Variants in ABL2 observed in about 807,000 individuals in gnomAD.
ABL2 encodes ABL proto-oncogene 2, non-receptor tyrosine kinase, also known as tyrosine-protein kinase ABL2.
ABL2 carries 49 observed loss-of-function variants against 107.7 expected under a neutral mutation model. The ratio of observed to expected loss-of-function variants is 0.45; its 90% CI spans 0.36 to 0.58. The LOEUF is 0.58. Ranked by LOEUF, ABL2 falls within the 20% of genes least tolerant of loss-of-function variation. The pLI, the probability that ABL2 is intolerant of heterozygous loss-of-function variation, is 0.00. For synonymous variants in ABL2, 549 were observed against 548.6 expected (o/e 1.00, Z -0.01); for missense variants, 1,245 against 1,457.0 (o/e 0.85, Z 2.37).
intron 1 of ABL2, among the ~76,000 whole-genome samples, chr1:179,158,435 A>C (rs1260482410): frequency 6.6e-6 from 1 of 152,202 alleles, no homozygotes; most frequent in Non-Finnish European, 1.5e-5. Context: ...AGATGTAGAG[A>C]TACAATTCTG....
chr1:179,166,205 C>T (rs986271595), intron 1 of ABL2, among the ~76,000 whole-genome samples: 7 of 151,838 alleles, frequency 4.6e-5, no homozygotes, highest in African/African-American at 1.5e-4. Context: ...ATGGCTAAGA[C>T]CTCAAAAACA....
intron 1 of ABL2, among the ~76,000 whole-genome samples, chr1:179,207,005 G>T (rs1370191389): frequency 6.6e-6 from 1 of 152,136 alleles, no homozygotes; most frequent in East Asian, 1.9e-4. Flanking sequence ...GACAGAATAT[G>T]CAGTCTTAAT....
chr1:179,164,340 G>A (rs540267574), intron 1 of ABL2, among the ~76,000 whole-genome samples: 1 of 152,204 alleles, frequency 6.6e-6, no homozygotes, highest in South Asian at 2.1e-4. Flanking sequence ...TGAGAATTTT[G>A]CAGCTTCACT....
In ABL2 at chr1:179,100,066, G is replaced by C. The variant is rs1458787069; in HGVS notation, c.*7652C>G. On this transcript the variant is annotated 3_prime_UTR_variant, in exon 12 of 12. Transcript: ENST00000502732. ...CACACCAGCTATACAGATCTGAGAT[G>C]AGAGGGTTTTCAAACATATGCCCTA... is the stretch of plus-strand genomic sequence containing the variant. 1 of 232,254 alleles carries C rather than the reference G, an allele frequency of 4.3e-6. No individual in the cohort carries two copies. 14.4% of individuals were successfully genotyped at this position (232,254 alleles called of 1,614,324 possible).
At chr1:179,200,675 A>C (rs1208741306) in intron 1 of ABL2, among the ~76,000 whole-genome samples, 1 of 152,186 alleles carries the variant, frequency 6.6e-6, no homozygotes, top group African/African-American at 2.4e-5. Context: ...TATCTGATCC[A>C]CTATTGTATT....
intron 1 of ABL2, among the ~76,000 whole-genome samples, chr1:179,199,092 C>T (rs1661506369): frequency 6.6e-6 from 1 of 152,134 alleles, no homozygotes; most frequent in Non-Finnish European, 1.5e-5. Flanking sequence ...ATCCACCCGC[C>T]TCGGCCTCCC....
chr1:179,166,685 G>A (rs1490827149), intron 1 of ABL2, among the ~76,000 whole-genome samples: 1 of 150,482 alleles, frequency 6.6e-6, no homozygotes, highest in African/African-American at 2.4e-5. Flanking sequence ...GCTGAGGGAG[G>A]AGAATCGCTT....
chr1:179,108,065 C>T lies in ABL2; in HGVS notation c.3202G>A (p.Ala1068Thr). 1.2e-6 allele frequency: 2 copies of T among 1,614,220 alleles called. No individual in the cohort carries two copies. The highest frequency in any genetic ancestry group is 1.7e-6 in the Non-Finnish European group (2 of 1,180,042). The change falls in exon 12 of 12, where the codon GCT becomes ACT. Residue 1068 changes from alanine to threonine, a missense_variant. Ala to Thr is a moderately conservative substitution (Grantham distance 58, BLOSUM62 0). This residue lies in a region of ABL2 where 761 missense variants were observed against 766.4 expected (regional missense o/e 0.99). Coordinates refer to ENST00000502732, the MANE Select transcript of ABL2 (RefSeq NM_007314.4). Reference sequence around the variant, plus strand: ...GCGGCCTGTTTGGTTTTTCTCAGAGCCACTTTAGTACCTGCTGTGCCATTG... The same window carrying T: ...GCGGCCTGTTTGGTTTTTCTCAGAGTCACTTTAGTACCTGCTGTGCCATTG... Reference protein sequence around the residue: ...MANGTAGTKVALRKTKQAAEK... With the variant: ...MANGTAGTKVTLRKTKQAAEK...
Position 179,112,321 on chromosome 1 carries a change from T to C in ABL2, c.1639A>G (p.Ser547Gly), listed in dbSNP as rs368972305. 5.6e-6 allele frequency: 9 copies of C among 1,613,296 alleles called. No individual in the cohort carries two copies. In the African/African-American group the frequency reaches 1.1e-4, roughly 19 times the overall value. ...QAFETMFHDS[S>G]ISEEVAEELG... is the part of the protein sequence containing the mutation. ...AACAGATTCTCACCTTCAGAAATGC[T>C]GGAGTCATGGAACATGGTTTCAAAA... is the stretch of plus-strand genomic sequence containing the variant. The change falls in exon 10 of 12, where the codon AGC (serine) becomes GGC (glycine). Residue 547 changes from serine to glycine, a missense_variant. Coordinates refer to ENST00000502732, the MANE Select transcript of ABL2 (RefSeq NM_007314.4).
At position 179,152,254 on chromosome 1, in the gene ABL2, C is replaced by T. The variant is rs140206620; in HGVS notation, c.158-18880G>A. Among the ~76,000 whole-genome samples the T allele has an allele frequency of 7.0e-4, 107 of 152,286 alleles. 1 individual carries two copies. In the East Asian group the frequency reaches 0.019, roughly 28 times the overall value. On this transcript the variant is annotated intron_variant, in intron 1 of 11. Transcript: ENST00000502732. ...TTGTCCCTAACTTGGAGTCTTGATT[C>T]AGCTAAAAGCCCTGCAGTTAATCAG... is the stretch of plus-strand genomic sequence containing the variant.
chr1:179,112,756 AT>A (rs747910142), intron 9 of ABL2, among the ~76,000 whole-genome samples: 298 of 134,502 alleles, frequency 2.2e-3, no homozygotes, highest in Admixed American at 1.9e-3. Flanking sequence ...CGCCCAGCTA[AT>A]TTTTTTTTTT....
chr1:179,173,387 G>A (rs1398487913), intron 1 of ABL2, among the ~76,000 whole-genome samples: 180 of 119,670 alleles, frequency 1.5e-3, no homozygotes, highest in Middle Eastern at 6.3e-3. Flanking sequence ...TTTTTGAGAC[G>A]GAATCTTGCT....
At position 179,107,808 on chromosome 1, in the gene ABL2, A is replaced by G; in HGVS notation, c.3459T>C (p.Ser1153=). 9.9e-6 allele frequency: 16 copies of G among 1,614,250 alleles called. No individual in the cohort carries two copies. Among genetic ancestry groups the G allele is most frequent in the Non-Finnish European group, 1.2e-5 (14 of 1,180,050 alleles). ...LELSLQELQV[S]SAAAGVPGTN... ...TCCCGGGCACACCAGCAGCTGCTGA[A>G]GAAACCTGTAGCTCCTGCAGGCTGA... Residue 1153 remains serine (S), a synonymous_variant, in exon 12 of 12, where the codon TCT becomes TCC. Coordinates refer to ENST00000502732, the MANE Select transcript of ABL2 (RefSeq NM_007314.4).
chr1:179,118,254 T>C (rs28913870), intron 7 of ABL2, among the ~76,000 whole-genome samples: 1,725 of 152,096 alleles, frequency 0.011, 28 homozygotes, highest in African/African-American at 0.04. Context: ...GGCTCACACC[T>C]ATAATCCCAG....
Position 179,099,478 on chromosome 1 carries a change from G to A in ABL2, c.*8240C>T, listed in dbSNP as rs747732424. On this transcript the variant is annotated 3_prime_UTR_variant, in exon 12 of 12. Transcript: ENST00000502732. Reference sequence around the variant, plus strand: ...AGCAGTTCACAGTCAGACAACAGACGGAGAGAATTAAATTAGAAAAACAAC... The same window carrying A: ...AGCAGTTCACAGTCAGACAACAGACAGAGAGAATTAAATTAGAAAAACAAC... 8.6e-5 allele frequency: 19 copies of A among 220,526 alleles called. No homozygotes were observed. Among genetic ancestry groups the A allele is most frequent in the South Asian group, 1.9e-4 (1 of 5,402 alleles). 13.7% of individuals were successfully genotyped at this position (220,526 alleles called of 1,614,324 possible). A position where few individuals can be genotyped will look rare whatever the true frequency, so the allele number is the denominator to read the frequency against.
rs573392095 is a variant in ABL2 at position 179,196,059 on chromosome 1, G to A, written c.157+33182C>T. ...AATCCTAGCACTTTGGCAGGCCGAG[G>A]TGGACGGATCACTTGAGGCCAGGAG... On this transcript the variant is annotated intron_variant, in intron 1 of 11. Transcript: ENST00000502732. Among the ~76,000 whole-genome samples the A allele has an allele frequency of 5.1e-4, 78 of 152,182 alleles. 1 individual carries two copies. Among genetic ancestry groups the A allele is most frequent in the Non-Finnish European group, 9.7e-4 (66 of 68,034 alleles).
intron 1 of ABL2, among the ~76,000 whole-genome samples, chr1:179,172,302 C>T (rs1557973090): frequency 6.6e-6 from 1 of 152,178 alleles, no homozygotes; most frequent in Admixed American, 6.5e-5. Flanking sequence ...ATCTATTAAC[C>T]CTTCATGATA....
intron 2 of ABL2, among the ~76,000 whole-genome samples, chr1:179,131,964 G>A (rs1044095141): frequency 4.0e-5 from 6 of 151,876 alleles, no homozygotes; most frequent in Non-Finnish European, 7.4e-5. Context: ...AAGACAACAG[G>A]GATTATTTTT....
At chr1:179,221,793 C>CAA (rs34844213) in intron 1 of ABL2, 86 of 189,012 alleles carry the variant, frequency 4.5e-4, no homozygotes, top group East Asian at 1.5e-3. Context: ...AGGATTTTAC[C>CAA]AAAAAAAAAA....
Sources: allele counts gnomAD v4.1 joint callset (sites outside exome capture counted in the v4.1 genomes callset), GRCh38; gene constraint gnomAD v4.1.1; regional missense constraint gnomAD v4.1.1; transcripts MANE v1.5; gene names NCBI Gene and HGNC (gene_info 2026-07-23, HGNC 2026-07-21).